GRIA4: variants seen among roughly 807,000 people sequenced by gnomAD.
GRIA4 encodes the protein glutamate receptor 4.
GRIA4 carries 34 observed loss-of-function variants against 104.0 expected under a neutral mutation model. The ratio of observed to expected loss-of-function variants is 0.33; its 90% CI spans 0.25 to 0.44. The LOEUF is 0.44. GRIA4 is among the 20% of genes least tolerant of loss of function. GRIA4 has a pLI of 1.00. For missense variants in GRIA4, 750 were observed against 1,096.5 expected (o/e 0.68, Z 4.46); for synonymous variants, 386 against 381.9 (o/e 1.01, Z -0.13).
chr11:105,902,526 G>GGT (rs1306271752), intron 7 of GRIA4, among the ~76,000 whole-genome samples: 2 of 151,794 alleles, frequency 1.3e-5, no homozygotes, highest in East Asian at 3.9e-4. Flanking sequence ...GTAGGGATGG[G>GGT]GTGTGGCCAT....
At chr11:105,786,642 T>C (rs528044499) in intron 4 of GRIA4, among the ~76,000 whole-genome samples, 329 of 152,294 alleles carry the variant, frequency 2.2e-3, no homozygotes, top group African/African-American at 7.7e-3. Flanking sequence ...GAAAAATCTT[T>C]CCCCCAGAAA....
At chr11:105,885,130 A>C (rs776777365) in intron 5 of GRIA4, among the ~76,000 whole-genome samples, 2 of 152,170 alleles carry the variant, frequency 1.3e-5, no homozygotes, top group Non-Finnish European at 2.9e-5. Context: ...TCCATAATAG[A>C]ATATGCCAAT....
At chr11:105,945,501 G>A in intron 14 of GRIA4, 1 of 950,836 alleles carries the variant, frequency 1.1e-6, no homozygotes, top group Non-Finnish European at 1.3e-6. Flanking sequence ...CCAGGACCAA[G>A]GTAAGAGGGG....
intron 3 of GRIA4, among the ~76,000 whole-genome samples, chr11:105,677,098 T>G (rs559958217): frequency 6.6e-6 from 1 of 151,982 alleles, no homozygotes; most frequent in African/African-American, 2.4e-5. Context: ...AGTGAAAGAA[T>G]TAAGATAAAG....
chr11:105,867,919 A>C (rs1945485249), intron 5 of GRIA4, among the ~76,000 whole-genome samples: 1 of 152,156 alleles, frequency 6.6e-6, no homozygotes, highest in Non-Finnish European at 1.5e-5. Context: ...TGCACTTGAC[A>C]CCTCATACAT....
intron 3 of GRIA4, among the ~76,000 whole-genome samples, chr11:105,739,954 T>C (rs1298783829): frequency 1.3e-5 from 2 of 152,182 alleles, no homozygotes; most frequent in African/African-American, 4.8e-5. Context: ...AGTGAGTGTT[T>C]GGGAGAGGCT....
At chr11:105,898,712 G>A (rs1946750733) in intron 7 of GRIA4, among the ~76,000 whole-genome samples, 1 of 152,012 alleles carries the variant, frequency 6.6e-6, no homozygotes, top group South Asian at 2.1e-4. Context: ...TTAACTAAAT[G>A]CTTCAAATGT....
chr11:105,659,945 TAC>T (rs1268368089), intron 3 of GRIA4, among the ~76,000 whole-genome samples: 1 of 151,726 alleles, frequency 6.6e-6, no homozygotes, highest in Non-Finnish European at 1.5e-5. Context: ...TAATGTAAGA[TAC>T]TACTGAAATT....
At chr11:105,615,664 A>T (rs899694510) in intron 3 of GRIA4, among the ~76,000 whole-genome samples, 3 of 151,872 alleles carry the variant, frequency 2.0e-5, no homozygotes, top group South Asian at 2.1e-4. Context: ...TTAAAATGTC[A>T]TATTGTTGTA....
intron 4 of GRIA4, among the ~76,000 whole-genome samples, chr11:105,770,907 C>T (rs532899629): frequency 2.9e-4 from 44 of 152,144 alleles, no homozygotes; most frequent in African/African-American, 1.1e-3. Flanking sequence ...TTCCTGCCAT[C>T]AAGAAATAAT....
chr11:105,618,810 C>T (rs1030082018), intron 3 of GRIA4, among the ~76,000 whole-genome samples: 1 of 151,732 alleles, frequency 6.6e-6, no homozygotes, highest in Non-Finnish European at 1.5e-5. Flanking sequence ...TGCTGAAAGT[C>T]AAACCCTAGG....
chr11:105,960,125 A>G (rs977331312), intron 14 of GRIA4, among the ~76,000 whole-genome samples: 4 of 152,200 alleles, frequency 2.6e-5, no homozygotes, highest in African/African-American at 9.6e-5. Flanking sequence ...TATTCAATGA[A>G]GCACTTTGTC....
intron 3 of GRIA4, among the ~76,000 whole-genome samples, chr11:105,658,117 T>C (rs946231133): frequency 6.6e-6 from 1 of 151,926 alleles, no homozygotes; most frequent in East Asian, 1.9e-4. Flanking sequence ...TTAACATTAG[T>C]GTCATATTGT....
chr11:105,912,956 G>A, intron 10 of GRIA4: 1 of 974,550 alleles, frequency 1.0e-6, no homozygotes, highest in Non-Finnish European at 1.2e-6. Flanking sequence ...GATATAGAAG[G>A]CTGAGAGTGA....
intron 4 of GRIA4, among the ~76,000 whole-genome samples, chr11:105,760,914 T>G (rs1400789044): frequency 6.6e-6 from 1 of 152,160 alleles, no homozygotes; most frequent in Non-Finnish European, 1.5e-5. Flanking sequence ...AGAAGAATAT[T>G]TATTTCTGAT....
rs962369518 is a variant in GRIA4 at position 105,911,206 on chromosome 11, G to A, written c.1269+661G>A. 3.3e-5 allele frequency among the ~76,000 whole-genome samples: 5 copies of A among 151,890 alleles called. No homozygotes were observed. In the East Asian group the frequency reaches 5.8e-4, roughly 18 times the overall value. The stretch of plus-strand genomic sequence containing the variant: ...AACTTCTAAAAATTAAGAAGAATAC[G>A]ATTGCTTCATTTGGCCACATCAAAA... On this transcript the variant is annotated intron_variant, in intron 10 of 16. Transcript: ENST00000282499.
At chr11:105,624,882 T>C (rs1950846183) in intron 3 of GRIA4, among the ~76,000 whole-genome samples, 1 of 152,096 alleles carries the variant, frequency 6.6e-6, no homozygotes, top group African/African-American at 2.4e-5. Flanking sequence ...ACATCTTTGA[T>C]TTTTCTAAAA....
At chr11:105,819,259 A>G (rs536260856) in intron 4 of GRIA4, among the ~76,000 whole-genome samples, 4 of 152,266 alleles carry the variant, frequency 2.6e-5, no homozygotes, top group African/African-American at 9.6e-5. Context: ...ATACTATCTG[A>G]TTTTGGATCC....
At chr11:105,746,249 A>G (rs1313604759) in intron 3 of GRIA4, among the ~76,000 whole-genome samples, 1 of 152,082 alleles carries the variant, frequency 6.6e-6, no homozygotes, top group Non-Finnish European at 1.5e-5. Flanking sequence ...ATATAAAATG[A>G]TACTATCCCT....
Sources: allele counts gnomAD v4.1 joint callset (sites outside exome capture counted in the v4.1 genomes callset), GRCh38; gene constraint gnomAD v4.1.1; transcripts MANE v1.5; gene names NCBI Gene and HGNC (gene_info 2026-07-23, HGNC 2026-07-21).